PSD3: variants seen among roughly 807,000 people sequenced by gnomAD.
PSD3 encodes the protein PH and SEC7 domain-containing protein 3.
Under a neutral mutation model 105.5 loss-of-function variants are expected in PSD3, and 49 were observed. The observed-to-expected ratio is 0.46, with a 90% confidence interval of 0.37 to 0.59. The LOEUF is 0.59. Ranked by LOEUF, PSD3 falls within the 20% of genes least tolerant of loss-of-function variation. PSD3 has a pLI of 0.00. For missense variants in PSD3, 1,561 were observed against 1,263.8 expected (o/e 1.24, Z -3.57); for synonymous variants, 557 against 457.8 (o/e 1.22, Z -2.77).
At chr8:18,577,394 A>G (rs571694761) in intron 12 of PSD3, among the ~76,000 whole-genome samples, 30 of 152,114 alleles carry the variant, frequency 2.0e-4, no homozygotes, top group African/African-American at 7.0e-4. Context: ...ATGTGTCTTT[A>G]TATTCAAGTT....
intron 2 of PSD3, among the ~76,000 whole-genome samples, chr8:18,922,646 C>T (rs1042126477): frequency 2.6e-5 from 4 of 152,086 alleles, no homozygotes; most frequent in African/African-American, 9.7e-5. Flanking sequence ...ACTCAGTCTC[C>T]AAGACTGCCC....
chr8:18,655,830 T>TG (rs1808848309), intron 9 of PSD3, 145 bp from the exon 10 acceptor site: 2 of 691,838 alleles, frequency 2.9e-6, no homozygotes, highest in Non-Finnish European at 4.9e-6. Flanking sequence ...AGGTGAAGAA[T>TG]ACATGGGGAG....
chr8:18,543,646 A>C (rs924133167), intron 15 of PSD3, among the ~76,000 whole-genome samples: 1 of 151,920 alleles, frequency 6.6e-6, no homozygotes. Context: ...AACAACAAAA[A>C]CAAAACTTCC....
At chr8:18,895,140 C>T (rs1432221921) in intron 2 of PSD3, among the ~76,000 whole-genome samples, 2 of 152,214 alleles carry the variant, frequency 1.3e-5, no homozygotes, top group African/African-American at 2.4e-5. Flanking sequence ...ATCAAGGAAG[C>T]CTGCTCTCTG....
At chr8:18,696,318 A>G (rs962612801) in intron 9 of PSD3, among the ~76,000 whole-genome samples, 13 of 152,210 alleles carry the variant, frequency 8.5e-5, no homozygotes, top group Non-Finnish European at 1.6e-4. Flanking sequence ...TATCTCATTT[A>G]ATACGTATGA....
intron 4 of PSD3, among the ~76,000 whole-genome samples, chr8:18,814,958 T>C (rs1812085561): frequency 6.6e-6 from 1 of 152,216 alleles, no homozygotes; most frequent in South Asian, 2.1e-4. Context: ...ACTACAATTT[T>C]CATATCTTAA....
At chr8:18,821,872 C>CACACACACACACACACA (rs10625767) in intron 4 of PSD3, among the ~76,000 whole-genome samples, 2 of 137,412 alleles carry the variant, frequency 1.5e-5, no homozygotes, top group South Asian at 2.5e-4. Context: ...TGCACACACA[C>CACACACACACACACACA]CACACACACA....
Position 18,927,023 on chromosome 8 carries a change from A to G in PSD3, c.130+9011T>C, listed in dbSNP as rs567396789. Among the ~76,000 whole-genome samples, 5 of 152,190 alleles carry G rather than the reference A, an allele frequency of 3.3e-5. No homozygotes were observed. The South Asian group carries it at 1.0e-3, about 32-fold the overall frequency. ...GTTAATTAGCTAGAGTGCCTCACAGAACTCAGGGAAACATTTACTTACATT... is the reference window on the plus strand; with the variant it reads ...GTTAATTAGCTAGAGTGCCTCACAGGACTCAGGGAAACATTTACTTACATT... On this transcript the variant is annotated intron_variant, in intron 2 of 15. Transcript: ENST00000327040.
intron 14 of PSD3, among the ~76,000 whole-genome samples, chr8:18,562,775 A>G (rs1321092818): frequency 6.6e-6 from 1 of 152,004 alleles, no homozygotes; most frequent in African/African-American, 2.4e-5. Flanking sequence ...TTTAATTCCA[A>G]TTGCACTGGA....
At chr8:18,763,447 GTGTAGCACATA>G (rs1322785206) in intron 9 of PSD3, among the ~76,000 whole-genome samples, 1 of 152,130 alleles carries the variant, frequency 6.6e-6, no homozygotes, top group Non-Finnish European at 1.5e-5. Context: ...GTATGTATCT[GTGTAGCACATA>G]TGTAACAATA....
Position 18,569,897 on chromosome 8 carries a change from C to T in PSD3, c.2784+2631G>A, listed in dbSNP as rs1802029108. Among the ~76,000 whole-genome samples the T allele has an allele frequency of 1.1e-4, 2 of 17,416 alleles. 1 individual carries two copies. The highest frequency in any genetic ancestry group is 4.5e-4 in the Non-Finnish European group (2 of 4,448). The allele number at this position is 17,416 out of a possible 152,430, so 11.4% of individuals were successfully genotyped here. On this transcript the variant is annotated intron_variant, in intron 14 of 15. Coordinates refer to ENST00000327040, the MANE Select transcript of PSD3 (RefSeq NM_015310.4). ...CAATATCGTGAAAATGGCCATACTG[C>T]CCAAGGTAATTTACAGATTCAATGC...
intron 10 of PSD3, among the ~76,000 whole-genome samples, chr8:18,637,356 T>C (rs906523137): frequency 2.0e-5 from 3 of 152,194 alleles, no homozygotes; most frequent in Admixed American, 6.5e-5. Flanking sequence ...TGAAAATGCA[T>C]TTCTTGTGAT....
At chr8:18,919,535 G>C (rs1371707533) in intron 2 of PSD3, among the ~76,000 whole-genome samples, 1 of 151,902 alleles carries the variant, frequency 6.6e-6, no homozygotes, top group African/African-American at 2.4e-5. Context: ...AACAAGCATG[G>C]AAAGCATCCA....
intron 8 of PSD3, among the ~76,000 whole-genome samples, chr8:18,777,507 A>G (rs1808216427): frequency 6.6e-6 from 1 of 152,162 alleles, no homozygotes; most frequent in African/African-American, 2.4e-5. Context: ...GTTTCATTAG[A>G]TTGTTTATCT....
chr8:18,791,373 G>T (rs550484004), intron 8 of PSD3, among the ~76,000 whole-genome samples: 164 of 152,168 alleles, frequency 1.1e-3, no homozygotes, highest in African/African-American at 3.7e-3. Context: ...ACTGGTACAA[G>T]AATGAACACA....
chr8:18,912,389 G>A (rs1052187263), intron 2 of PSD3, among the ~76,000 whole-genome samples: 2 of 152,058 alleles, frequency 1.3e-5, no homozygotes, highest in African/African-American at 2.4e-5. Flanking sequence ...GTCCACCAGG[G>A]GGCAGTGTTG....
At chr8:18,894,479 T>C (rs559471353) in intron 2 of PSD3, among the ~76,000 whole-genome samples, 12 of 152,174 alleles carry the variant, frequency 7.9e-5, no homozygotes, top group African/African-American at 2.4e-4. Context: ...AATCACCAAA[T>C]AGAAACTATT....
intron 6 of PSD3, among the ~76,000 whole-genome samples, chr8:18,802,925 C>T (rs917124572): frequency 6.6e-6 from 1 of 152,168 alleles, no homozygotes; most frequent in Admixed American, 6.5e-5. Flanking sequence ...TTTATAGATA[C>T]TTTCTACTGA....
At chr8:18,552,840 A>G (rs886445042) in intron 15 of PSD3, among the ~76,000 whole-genome samples, 1 of 152,174 alleles carries the variant, frequency 6.6e-6, no homozygotes, top group African/African-American at 2.4e-5. Context: ...CCCTTCGCTT[A>G]GAGTTAAGTC....
Sources: allele counts gnomAD v4.1 joint callset (sites outside exome capture counted in the v4.1 genomes callset), GRCh38; gene constraint gnomAD v4.1.1; transcripts MANE v1.5; gene names NCBI Gene and HGNC (gene_info 2026-07-23, HGNC 2026-07-21).